SERPINE2: variants seen among roughly 807,000 people sequenced by gnomAD.
The protein encoded by SERPINE2 is glia-derived nexin.
A neutral mutation model predicts 36.3 loss-of-function variants in SERPINE2; 14 were observed. The observed-to-expected ratio is 0.39, with a 90% CI of 0.25 to 0.60. SERPINE2 has a LOEUF of 0.60. SERPINE2 is among the 20% of genes least tolerant of loss of function. The pLI is 0.57. For missense variants in SERPINE2, 418 were observed against 499.6 expected (o/e 0.84, Z 1.56); for synonymous variants, 192 against 191.8 (o/e 1.00, Z -0.01).
chr2:224,006,507 C>G (rs1688661309), intron 1 of SERPINE2, among the ~76,000 whole-genome samples: 1 of 152,142 alleles, frequency 6.6e-6, no homozygotes, highest in African/African-American at 2.4e-5. Flanking sequence ...TTATTCTCTT[C>G]TTTGAATTCC....
chr2:224,024,525 T>C (rs1167327847), intron 1 of SERPINE2, among the ~76,000 whole-genome samples: 2 of 152,208 alleles, frequency 1.3e-5, no homozygotes, highest in Non-Finnish European at 2.9e-5. Flanking sequence ...CCTATGCCCA[T>C]TTAACACTAC....
chr2:223,978,289 A>T (rs1427694967), intron 7 of SERPINE2: 3 of 152,446 alleles, frequency 2.0e-5, no homozygotes, highest in African/African-American at 7.2e-5. Context: ...TCAGCCTCCC[A>T]AAGTGCGGGC....
intron 3 of SERPINE2, among the ~76,000 whole-genome samples, chr2:223,993,477 A>G (rs563576824): frequency 3.3e-5 from 5 of 152,182 alleles, no homozygotes; most frequent in African/African-American, 4.8e-5. Context: ...AATAGGGATC[A>G]GTAATGCCCA....
At chr2:223,977,166 T>A (rs766685842) in intron 8 of SERPINE2, among the ~76,000 whole-genome samples, 7 of 152,212 alleles carry the variant, frequency 4.6e-5, no homozygotes, top group South Asian at 2.1e-4. Context: ...TATTTCTTCA[T>A]AGCAGGGTGA....
At chr2:224,031,591 C>T (rs916900519) in intron 1 of SERPINE2, 21 of 713,186 alleles carry the variant, frequency 2.9e-5, no homozygotes, top group Admixed American at 1.9e-4. Flanking sequence ...ATCACAGGAC[C>T]TCACTCCTCT....
rs1366151404 is a variant in SERPINE2 at position 223,977,633 on chromosome 2, G to A, written c.1073-6C>T. 4 of 1,597,508 alleles carry A rather than the reference G, an allele frequency of 2.5e-6. No homozygotes were observed. The South Asian group carries it at 4.4e-5, about 18-fold the overall frequency. ...TCTTGCAATGAGAATTGCAGCTACGGGAAGAAAAGGAAAATGTGTTGTGCA... is the reference window on the plus strand; with the variant it reads ...TCTTGCAATGAGAATTGCAGCTACGAGAAGAAAAGGAAAATGTGTTGTGCA... On this transcript the variant is annotated splice_polypyrimidine_tract_variant and splice_region_variant and intron_variant, in intron 7 of 8. Transcript: ENST00000409304.
intron 6 of SERPINE2, chr2:223,980,629 C>T: frequency 2.1e-6 from 1 of 469,066 alleles, no homozygotes; most frequent in South Asian, 2.7e-5. Flanking sequence ...CCCAGGCCCT[C>T]AAATGATTTA....
chr2:223,980,227 T>G, intron 7 of SERPINE2, 84 bp downstream of exon 7: 1 of 1,136,384 alleles, frequency 8.8e-7, no homozygotes. Context: ...GAGGGTGCAT[T>G]ACATATTTGC....
rs78187109 is a variant in SERPINE2, at chr2:224,028,867, C to A, written c.-23+10232G>T. On this transcript the variant is annotated intron_variant, in intron 1 of 8. Coordinates refer to ENST00000409304, the MANE Select transcript of SERPINE2 (RefSeq NM_001136528.2). Reference sequence around the variant, plus strand: ...TTCCTAACAGGGCAGAGAAAACACACGCAGAACCAGAACACAAGGTAGAGA... The same window carrying A: ...TTCCTAACAGGGCAGAGAAAACACAAGCAGAACCAGAACACAAGGTAGAGA... Among the ~76,000 whole-genome samples, 82 of 152,260 alleles carry A rather than the reference C, an allele frequency of 5.4e-4. No individual in the cohort carries two copies. The East Asian group carries it at 0.014, about 27-fold the overall frequency.
chr2:224,010,230 C>T (rs1413997066), intron 1 of SERPINE2: 2 of 355,608 alleles, frequency 5.6e-6, no homozygotes, highest in African/African-American at 2.2e-5. Context: ...TGGAGAAAGA[C>T]TTAGAGACAT....
chr2:224,029,839 C>T (rs557331496), intron 1 of SERPINE2, among the ~76,000 whole-genome samples: 3 of 152,192 alleles, frequency 2.0e-5, no homozygotes, highest in South Asian at 2.1e-4. Context: ...GCTGGGATTA[C>T]GGGCGTGCGT....
chr2:224,004,179 C>A (rs1381258347), intron 1 of SERPINE2, among the ~76,000 whole-genome samples: 4 of 152,172 alleles, frequency 2.6e-5, no homozygotes, highest in South Asian at 2.1e-4. Flanking sequence ...TAATCCTGAT[C>A]CTCACGGTCA....
chr2:223,985,628 A>T (rs957753211), intron 4 of SERPINE2, among the ~76,000 whole-genome samples: 7 of 152,200 alleles, frequency 4.6e-5, no homozygotes, highest in Non-Finnish European at 7.3e-5. Flanking sequence ...CAGGCTGAGG[A>T]TCTACAGCAC....
intron 5 of SERPINE2, among the ~76,000 whole-genome samples, chr2:223,984,136 A>G (rs985770617): frequency 6.6e-6 from 1 of 152,070 alleles, no homozygotes; most frequent in African/African-American, 2.4e-5. Flanking sequence ...TGAAAAGTTC[A>G]TAGAAAGGGA....
At chr2:224,012,784 A>G (rs1030075839) in intron 1 of SERPINE2, among the ~76,000 whole-genome samples, 8 of 152,166 alleles carry the variant, frequency 5.3e-5, no homozygotes, top group Non-Finnish European at 2.9e-5. Flanking sequence ...TTTTCCTTTT[A>G]TCAGGAACTG....
chr2:224,038,726 C>T (rs1419312929), intron 1 of SERPINE2: 2 of 598,884 alleles, frequency 3.3e-6, no homozygotes, highest in Non-Finnish European at 6.0e-6. Context: ...CTGGAAACCT[C>T]AGGTTCAGGG....
chr2:223,979,330 TTAA>T (rs1690133098), intron 7 of SERPINE2: 1 of 152,222 alleles, frequency 6.6e-6, no homozygotes. Flanking sequence ...TAGATGTTAC[TTAA>T]AATTACCTAG....
At chr2:224,035,978 G>C (rs772917984) in intron 1 of SERPINE2, among the ~76,000 whole-genome samples, 4 of 123,858 alleles carry the variant, frequency 3.2e-5, no homozygotes, top group African/African-American at 1.1e-4. Flanking sequence ...CTCCATGAAC[G>C]GTGGAACCAC....
intron 1 of SERPINE2, among the ~76,000 whole-genome samples, chr2:224,016,290 G>A (rs1191213061): frequency 1.3e-5 from 2 of 152,218 alleles, no homozygotes; most frequent in East Asian, 1.9e-4. Context: ...ACCTGAGCCC[G>A]AGGTCATGAG....
Sources: gnomAD v4.1 joint callset for allele counts (sites outside exome capture counted in the v4.1 genomes callset) on GRCh38, gnomAD v4.1.1 for gene constraint, MANE v1.5 for transcripts, NCBI Gene and HGNC (gene_info 2026-07-23, HGNC 2026-07-21) for gene names.